STAG2: variants seen among roughly 807,000 people sequenced by gnomAD.
STAG2 encodes STAG2 cohesin complex component.
A neutral mutation model predicts 108.1 loss-of-function variants in STAG2; 14 were observed. The observed-to-expected ratio is 0.13, with a 90% confidence interval of 0.09 to 0.20. The LOEUF (loss-of-function observed/expected upper bound fraction) is 0.20. Ranked by LOEUF, STAG2 falls within the 10% of genes least tolerant of loss-of-function variation. The probability of loss-of-function intolerance (pLI) is 1.00; values close to 1 mark genes in which losing one functional copy is unlikely to be tolerated. For synonymous variants in STAG2, 307 were observed against 302.7 expected (o/e 1.01, Z -0.15); for missense variants, 440 against 940.9 (o/e 0.47, Z 6.96).
At chrX:123,997,350 T>C (rs2055783075) in intron 1 of STAG2, among the ~76,000 whole-genome samples, 1 of 111,980 alleles carries the variant, frequency 8.9e-6, no homozygotes, top group Admixed American at 9.5e-5. Flanking sequence ...GTGCACAGTT[T>C]AGTGGCATTA....
chrX:124,021,023 G>A (rs779341517), intron 1 of STAG2, among the ~76,000 whole-genome samples: 1 of 112,013 alleles, frequency 8.9e-6, no homozygotes, highest in Admixed American at 9.4e-5. Flanking sequence ...ATAAAGTGGT[G>A]GTATATGTTA....
rs1486918002 is a variant in STAG2 at position 124,018,846 on chromosome X, G to A, written c.-162-2521G>A. On this transcript the variant is annotated intron_variant, in intron 1 of 34. Transcript: ENST00000371145. ...AGCTGTAGACATTTAAAATAAAGAT[G>A]TAAACATTCTCAGCTCTTCCTGTAG... Among the ~76,000 whole-genome samples the A allele has an allele frequency of 7.6e-5, 8 of 105,742 alleles. No homozygotes were observed. In the Admixed American group the frequency reaches 8.1e-4, roughly 11 times the overall value. 91.8% of individuals were successfully genotyped at this position (105,742 alleles called of 115,157 possible).
At chrX:123,988,917 C>T (rs2055319010) in intron 1 of STAG2, among the ~76,000 whole-genome samples, 1 of 111,418 alleles carries the variant, frequency 9.0e-6, no homozygotes, top group African/African-American at 3.3e-5. Context: ...TTCATTCTCT[C>T]TGTGTGTCTC....
chrX:123,974,135 A>G (rs955221139), intron 1 of STAG2, among the ~76,000 whole-genome samples: 3 of 111,759 alleles, frequency 2.7e-5, no homozygotes, highest in African/African-American at 9.7e-5. Flanking sequence ...AACAAGCAGA[A>G]CAACCGAGGG....
chrX:124,031,793 C>T (rs1464886317), intron 5 of STAG2, among the ~76,000 whole-genome samples: 4 of 101,954 alleles, frequency 3.9e-5, no homozygotes, highest in Non-Finnish European at 4.0e-5. Context: ...TGCAGTGGCA[C>T]GATCTCTGCT....
At chrX:123,964,505 G>A (rs1013386910) in intron 1 of STAG2, among the ~76,000 whole-genome samples, 1 of 111,549 alleles carries the variant, frequency 9.0e-6, no homozygotes, top group African/African-American at 3.3e-5. Context: ...TTTGGCAGTT[G>A]CAGTAAGTGA....
At chrX:123,998,637 AC>A (rs745948497) in intron 1 of STAG2, among the ~76,000 whole-genome samples, 1 of 106,824 alleles carries the variant, frequency 9.4e-6, no homozygotes, top group East Asian at 2.9e-4. Context: ...TATCTATCTA[AC>A]TAACTGATGG....
At chrX:124,013,343 A>G (rs867471479) in intron 1 of STAG2, among the ~76,000 whole-genome samples, 2 of 111,053 alleles carry the variant, frequency 1.8e-5, no homozygotes, top group South Asian at 3.8e-4. Flanking sequence ...ACACACACAC[A>G]CACACGCACA....
chrX:124,029,765 C>A (rs2057274485), intron 4 of STAG2, among the ~76,000 whole-genome samples: 1 of 111,946 alleles, frequency 8.9e-6, no homozygotes, highest in South Asian at 3.7e-4. Context: ...CTAAAAGAGA[C>A]CTTTAAGAAA....
chrX:124,019,767 C>T (rs1282129195), intron 1 of STAG2, among the ~76,000 whole-genome samples: 1 of 111,148 alleles, frequency 9.0e-6, no homozygotes, highest in Non-Finnish European at 1.9e-5. Flanking sequence ...GAAACCCTGT[C>T]TCTACAAAAT....
chrX:124,082,114 C>CT (rs1410665329), intron 28 of STAG2, among the ~76,000 whole-genome samples: 1 of 111,913 alleles, frequency 8.9e-6, no homozygotes, highest in African/African-American at 3.2e-5. Flanking sequence ...CATTACACAT[C>CT]TTTTTTATCA....
intron 24 of STAG2, 45 bp from the exon 25 acceptor site, chrX:124,071,104 C>G (rs2148371636): frequency 1.0e-6 from 1 of 992,343 alleles, no homozygotes; most frequent in South Asian, 3.6e-5. Flanking sequence ...TAGTGAGAAA[C>G]CTTGGATTAT....
intron 1 of STAG2, among the ~76,000 whole-genome samples, chrX:123,971,997 A>T (rs1194554252): frequency 8.9e-6 from 1 of 111,804 alleles, no homozygotes; most frequent in Non-Finnish European, 1.9e-5. Flanking sequence ...AAGCTATTTT[A>T]TATTTCTGGC....
At chrX:124,051,614 G>A (rs771686539) in intron 13 of STAG2, among the ~76,000 whole-genome samples, 2 of 107,769 alleles carry the variant, frequency 1.9e-5, no homozygotes, top group East Asian at 5.8e-4. Context: ...TTTCTGAGAC[G>A]GAGTCTCACT....
At chrX:124,087,729 A>G (rs1348493320) in intron 30 of STAG2, among the ~76,000 whole-genome samples, 3 of 112,642 alleles carry the variant, frequency 2.7e-5, no homozygotes, top group Non-Finnish European at 3.7e-5. Flanking sequence ...CAGAGATTCT[A>G]GGGGAGAGGA....
At chrX:124,025,492 G>A (rs1312151994) in intron 3 of STAG2, among the ~76,000 whole-genome samples, 1 of 111,146 alleles carries the variant, frequency 9.0e-6, no homozygotes, top group Non-Finnish European at 1.9e-5. Flanking sequence ...CCGCAGCACT[G>A]TGATCTTTGA....
intron 4 of STAG2, among the ~76,000 whole-genome samples, chrX:124,029,342 G>A (rs763979657): frequency 1.1e-4 from 12 of 106,936 alleles, no homozygotes; most frequent in Admixed American, 9.2e-4. Context: ...ACAGAGTTTC[G>A]CTCTGTCACC....
chrX:123,989,533 A>T (rs2055345895), intron 1 of STAG2, among the ~76,000 whole-genome samples: 1 of 110,134 alleles, frequency 9.1e-6, no homozygotes, highest in Non-Finnish European at 1.9e-5. Flanking sequence ...AAACTCATAT[A>T]TGTATATGTA....
intron 25 of STAG2, among the ~76,000 whole-genome samples, chrX:124,074,584 A>G (rs2058752984): frequency 9.0e-6 from 1 of 111,226 alleles, no homozygotes; most frequent in Non-Finnish European, 1.9e-5. Flanking sequence ...CTCACCTAAC[A>G]TCTAGTATTG....
Sources: allele counts gnomAD v4.1 joint callset (sites outside exome capture counted in the v4.1 genomes callset), GRCh38; gene constraint gnomAD v4.1.1; transcripts MANE v1.5; gene names NCBI Gene and HGNC (gene_info 2026-07-23, HGNC 2026-07-21).